Variants in LAMA2 observed in about 807,000 individuals in gnomAD.
LAMA2 encodes the protein laminin subunit alpha-2.
A neutral mutation model predicts 364.8 loss-of-function variants in LAMA2; 269 were observed. The ratio of observed to expected loss-of-function variants is 0.74; its 90% CI spans 0.67 to 0.82. The LOEUF (loss-of-function observed/expected upper bound fraction) is 0.82. Ranked by LOEUF, LAMA2 falls within the 40% of genes least tolerant of loss-of-function variation. LAMA2 has a pLI of 0.00. For missense variants in LAMA2, 3,807 were observed against 3,873.2 expected (o/e 0.98, Z 0.45); for synonymous variants, 1,379 against 1,370.6 (o/e 1.01, Z -0.14).
chr6:129,148,823 C>T (rs1311474794), intron 6 of LAMA2, among the ~76,000 whole-genome samples, 156 bp from the exon 7 acceptor site: 2 of 152,086 alleles, frequency 1.3e-5, no homozygotes, highest in East Asian at 1.9e-4. Flanking sequence ...ATACCCACTT[C>T]AAGCCTGGCA....
chr6:129,020,366 T>C (rs192490530), intron 1 of LAMA2, among the ~76,000 whole-genome samples: 69 of 152,236 alleles, frequency 4.5e-4, no homozygotes, highest in Non-Finnish European at 7.4e-5. Flanking sequence ...GTTAGACAGA[T>C]TAACATGAGA....
At chr6:129,153,392 A>G (rs1778926741) in intron 7 of LAMA2, among the ~76,000 whole-genome samples, 1 of 152,222 alleles carries the variant, frequency 6.6e-6, no homozygotes. Context: ...AGGAGAGCAC[A>G]CCCACATCCA....
intron 1 of LAMA2, among the ~76,000 whole-genome samples, chr6:128,908,823 C>T (rs1045978828): frequency 9.4e-5 from 14 of 149,656 alleles, no homozygotes; most frequent in Admixed American, 2.0e-4. Flanking sequence ...CCCAGAGATT[C>T]TGGTATGTTG....
intron 12 of LAMA2, among the ~76,000 whole-genome samples, chr6:129,198,588 T>C (rs1201624128): frequency 6.6e-6 from 1 of 152,136 alleles, no homozygotes; most frequent in East Asian, 1.9e-4. Context: ...TTTTAAATGG[T>C]TTCAAAGCTC....
In LAMA2 at chr6:129,502,585, C is replaced by A. The variant is rs1280351970; in HGVS notation, c.8245-74C>A. ...AAGAATTACGCTAATATGTAAGAAACAATTAGACAGCATCATTACCTTTTT... is the reference window on the plus strand; with the variant it reads ...AAGAATTACGCTAATATGTAAGAAAAAATTAGACAGCATCATTACCTTTTT... On this transcript the variant is annotated intron_variant, in intron 58 of 64. Coordinates refer to ENST00000421865, the MANE Select transcript of LAMA2 (RefSeq NM_000426.4). The A allele has an allele frequency of 1.2e-5, 11 of 930,910 alleles. 1 individual carries two copies. Among genetic ancestry groups the A allele is most frequent in the South Asian group, 9.2e-5 (7 of 76,156 alleles). The allele number at this position is 930,910 out of a possible 1,614,324, so 57.7% of individuals were successfully genotyped here. A position where few individuals can be genotyped will look rare whatever the true frequency, so the allele number is the denominator to read the frequency against.
intron 51 of LAMA2, among the ~76,000 whole-genome samples, chr6:129,471,686 T>A (rs1783821628): frequency 6.6e-6 from 1 of 151,992 alleles, no homozygotes; most frequent in Admixed American, 6.6e-5. Flanking sequence ...GTCAAGGAGA[T>A]ATATGTGTAT....
At chr6:129,282,725 A>G (rs1788810680) in intron 18 of LAMA2, among the ~76,000 whole-genome samples, 1 of 152,166 alleles carries the variant, frequency 6.6e-6, no homozygotes, top group Admixed American at 6.5e-5. Context: ...AGGCACAGGA[A>G]TCATTCAGCT....
Position 128,981,120 on chromosome 6 carries a change from G to A in LAMA2, c.113-68798G>A, listed in dbSNP as rs141822789. On this transcript the variant is annotated intron_variant, in intron 1 of 64. Coordinates refer to ENST00000421865, the MANE Select transcript of LAMA2 (RefSeq NM_000426.4). ...CCCTTCATTCTTTCTGTTCCTCACA[G>A]TCACACTTAATTAATTGAACGATTT... is the stretch of plus-strand genomic sequence containing the variant. 5.9e-5 allele frequency among the ~76,000 whole-genome samples: 9 copies of A among 152,156 alleles called. No homozygotes were observed. The East Asian group carries it at 1.7e-3, about 29-fold the overall frequency.
At chr6:129,089,891 G>A (rs1355467155) in intron 3 of LAMA2, among the ~76,000 whole-genome samples, 2 of 152,100 alleles carry the variant, frequency 1.3e-5, no homozygotes, top group African/African-American at 4.8e-5. Flanking sequence ...GACCTTATGG[G>A]CCAACGATAC....
chr6:129,020,008 C>A (rs1399394498), intron 1 of LAMA2, among the ~76,000 whole-genome samples: 1 of 150,566 alleles, frequency 6.6e-6, no homozygotes, highest in East Asian at 2.0e-4. Flanking sequence ...TTGCTAAAAA[C>A]TTGGGAGGCA....
At chr6:129,298,954 ACT>A (rs1423315752) in intron 21 of LAMA2, among the ~76,000 whole-genome samples, 39 of 152,128 alleles carry the variant, frequency 2.6e-4, no homozygotes, top group Non-Finnish European at 5.7e-4. Flanking sequence ...TTTAAAATAT[ACT>A]CTGTTCTTTA....
intron 1 of LAMA2, among the ~76,000 whole-genome samples, chr6:129,020,185 A>C (rs1785354875): frequency 6.6e-6 from 1 of 151,606 alleles, no homozygotes; most frequent in South Asian, 2.1e-4. Context: ...GCCAGGCAGC[A>C]TTAAATGTAA....
At chr6:129,010,437 A>G (rs1283657084) in intron 1 of LAMA2, among the ~76,000 whole-genome samples, 1 of 152,210 alleles carries the variant, frequency 6.6e-6, no homozygotes, top group African/African-American at 2.4e-5. Flanking sequence ...GCTCACACAC[A>G]TAGTGGATTT....
chr6:129,432,207 A>C (rs115720776), intron 41 of LAMA2, among the ~76,000 whole-genome samples: 10 of 152,272 alleles, frequency 6.6e-5, no homozygotes, highest in African/African-American at 2.4e-4. Context: ...TCCAGGTGAA[A>C]TTGCTGATCC....
intron 1 of LAMA2, among the ~76,000 whole-genome samples, chr6:129,043,479 T>A (rs1787247206): frequency 6.6e-6 from 1 of 152,182 alleles, no homozygotes; most frequent in Non-Finnish European, 1.5e-5. Flanking sequence ...GTCACAGAAT[T>A]TATATTCAAT....
At chr6:129,200,746 A>C (rs1301776341) in intron 12 of LAMA2, among the ~76,000 whole-genome samples, 2 of 152,088 alleles carry the variant, frequency 1.3e-5, no homozygotes, top group Non-Finnish European at 2.9e-5. Flanking sequence ...ATAGACCTGA[A>C]AAAATAGCCC....
chr6:128,975,096 C>T (rs908247322), intron 1 of LAMA2, among the ~76,000 whole-genome samples: 8 of 152,142 alleles, frequency 5.3e-5, no homozygotes, highest in African/African-American at 1.9e-4. Context: ...TCGTGATCCG[C>T]CTGCCTCTGC....
intron 45 of LAMA2, among the ~76,000 whole-genome samples, chr6:129,451,304 A>T (rs1009727819): frequency 2.6e-5 from 4 of 152,134 alleles, no homozygotes; most frequent in Non-Finnish European, 5.9e-5. Context: ...ACTGAAAACC[A>T]CCCTATCCAG....
intron 19 of LAMA2, 54 bp from the exon 20 acceptor site, chr6:129,291,560 C>A: frequency 8.4e-7 from 1 of 1,193,274 alleles, no homozygotes; most frequent in Non-Finnish European, 1.2e-6. Flanking sequence ...TTTAACAAGC[C>A]TATTAAGACT....
Sources: allele counts gnomAD v4.1 joint callset (sites outside exome capture counted in the v4.1 genomes callset), GRCh38; gene constraint gnomAD v4.1.1; transcripts MANE v1.5; gene names NCBI Gene and HGNC (gene_info 2026-07-23, HGNC 2026-07-21).